The following KCNH2 variants were observed in gnomAD, a reference collection of about 807,000 sequenced individuals.
KCNH2 encodes voltage-gated inwardly rectifying potassium channel KCNH2.
Under a neutral mutation model 95.9 loss-of-function variants are expected in KCNH2, and 35 were observed. The observed-to-expected ratio is 0.37, with a 90% CI of 0.28 to 0.48. The LOEUF is 0.48. Ranked by LOEUF, KCNH2 falls within the 20% of genes least tolerant of loss-of-function variation. The pLI, the probability that KCNH2 is intolerant of heterozygous loss-of-function variation, is 0.99. For missense variants in KCNH2, 1,274 were observed against 1,702.9 expected, an observed-to-expected ratio of 0.75 and a Z score of 4.43; for synonymous variants, 786 against 754.7, an observed-to-expected ratio of 1.04 and a Z score of -0.68.
chr7:150,947,642 A>G lies in KCNH2; in HGVS notation c.2929T>C (p.Cys977Arg). 1 of 1,612,216 alleles carries G rather than the reference A, an allele frequency of 6.2e-7. No homozygotes were observed. Among genetic ancestry groups the G allele is most frequent in the Non-Finnish European group, 8.5e-7 (1 of 1,179,346 alleles). ...TTGCAAGTGTCGCTGCTCTTCTCGC[A>G]GTCCTCCATCAGGGGCTCCCCACCC... ...PPGGEPLMED[C>R]EKSSDTCNPL... Residue 977 changes from cysteine (C) to arginine (R), a missense_variant, in exon 12 of 15, where the codon TGC becomes CGC. Cys to Arg is a radical substitution (Grantham distance 180). Transcript: ENST00000262186.
In KCNH2 at chr7:150,947,793, C is replaced by T. The variant is rs898987242; in HGVS notation, c.2778G>A (p.Pro926=). The T allele has an allele frequency of 2.2e-5, 33 of 1,532,608 alleles. No homozygotes were observed. Among genetic ancestry groups the T allele is most frequent in the South Asian group, 4.8e-5 (4 of 83,528 alleles). The allele number at this position is 1,532,608 out of a possible 1,614,324, so 94.9% of individuals were successfully genotyped here. A position where few individuals can be genotyped will look rare whatever the true frequency, so the allele number is the denominator to read the frequency against. ...GPSSRGRPGG[P]WGESPSSGPS... ...GGCCACTGGACGGGCTCTCCCCCCA[C>T]GGCCCCCCCGGCCGGCCCCGGCTAC... The change falls in exon 12 of 15, where the codon CCG becomes CCA. Residue 926 remains proline, a synonymous_variant. Coordinates refer to ENST00000262186, the MANE Select transcript of KCNH2 (RefSeq NM_000238.4).
intron 2 of KCNH2, among the ~76,000 whole-genome samples, chr7:150,960,199 C>T (rs866141476): frequency 6.6e-6 from 1 of 152,162 alleles, no homozygotes; most frequent in Non-Finnish European, 1.5e-5. Context: ...TGCTTAATCA[C>T]TTATGCTTTT....
Position 150,974,800 on chromosome 7 carries a change from C to G in KCNH2, c.218G>C (p.Arg73Pro). 1 of 1,604,644 alleles carries G rather than the reference C, an allele frequency of 6.2e-7. No homozygotes were observed. The highest frequency in any genetic ancestry group is 8.5e-7 in the Non-Finnish European group (1 of 1,175,880). Residue 73 changes from arginine (R) to proline (P), a missense_variant, in exon 2 of 15, where the codon CGC becomes CCC. By Grantham distance (103) the Arg-to-Pro change is moderately radical. Around this residue, in one of 7 missense-constraint regions of KCNH2, gnomAD observed 85 missense variants for 174.7 expected, o/e 0.49. Transcript: ENST00000262186. Reference protein sequence around the residue: ...PCTCDFLHGPRTQRRAAAQIA... With the variant: ...PCTCDFLHGPPTQRRAAAQIA... The stretch of plus-strand genomic sequence containing the variant: ...CTGCGCGGCAGCGCGGCGCTGCGTG[C>G]GCGGCCCGTGCAGGAAGTCGCAGGT...
intron 5 of KCNH2, chr7:150,955,347 C>T: frequency 6.6e-7 from 1 of 1,523,156 alleles, no homozygotes; most frequent in Non-Finnish European, 8.9e-7. Context: ...AGCCACCTGC[C>T]TCAGTGTGCC....
chr7:150,975,193 G>A (rs1397456568), intron 1 of KCNH2, among the ~76,000 whole-genome samples: 3 of 151,912 alleles, frequency 2.0e-5, no homozygotes, highest in Admixed American at 2.0e-4. Flanking sequence ...GCTTCCCCCG[G>A]GCAGGCCGCC....
Position 150,977,933 on chromosome 7 carries a change from C to G in KCNH2, c.-20G>C. The G allele has an allele frequency of 1.3e-6, 2 of 1,573,670 alleles. No individual in the cohort carries two copies. The highest frequency in any genetic ancestry group is 1.7e-6 in the Non-Finnish European group (2 of 1,161,346). On this transcript the variant is annotated 5_prime_UTR_variant, in exon 1 of 15. Transcript: ENST00000262186. The stretch of plus-strand genomic sequence containing the variant: ...CGGCATCCTGAGCCCATGGGCGGGC[C>G]GGGCGGGCCCCCACCCACCCCGGCC...
At chr7:150,950,682 C>A (rs1461275600) in intron 8 of KCNH2, among the ~76,000 whole-genome samples, 2 of 152,226 alleles carry the variant, frequency 1.3e-5, no homozygotes, top group African/African-American at 2.4e-5. Flanking sequence ...CCTGGGCTGT[C>A]ACAAGGATTT....
In KCNH2 at chr7:150,962,835, A is replaced by G. The variant is rs887518949; in HGVS notation, c.308-3099T>C. ...TGGAAGGAAGGAAAGTAGGGGCCCCAGATAGGCCTGGGCTCTCAGAGGCAC... is the reference window on the plus strand; with the variant it reads ...TGGAAGGAAGGAAAGTAGGGGCCCCGGATAGGCCTGGGCTCTCAGAGGCAC... On this transcript the variant is annotated intron_variant, in intron 2 of 14. Coordinates refer to ENST00000262186, the MANE Select transcript of KCNH2 (RefSeq NM_000238.4). The surrounding 1 kb of genome is among the most constrained non-coding windows in gnomAD (Gnocchi z 5.7). 6.6e-6 allele frequency among the ~76,000 whole-genome samples: 1 copy of G among 152,164 alleles called. No individual in the cohort carries two copies. Among genetic ancestry groups the G allele is most frequent in the Non-Finnish European group, 1.5e-5 (1 of 68,016 alleles).
chr7:150,958,407 C>T lies in KCNH2; in HGVS notation c.568G>A (p.Ala190Thr), dbSNP rs150817714. The T allele has an allele frequency of 1.3e-4, 187 of 1,428,080 alleles. No homozygotes were observed. The African/African-American group carries it at 2.5e-3, about 19-fold the overall frequency. 88.5% of individuals were successfully genotyped at this position (1,428,080 alleles called of 1,614,324 possible). The part of the protein sequence containing the change: ...VRSGGAGGAG[A>T]PGAVVVDVDL... ...ACGTCCACCACCACGGCCCCCGGGG[C>T]GCCCGCGCCGCCCGCGCCGCCCGAC... The change falls in exon 4 of 15, where the codon GCC becomes ACC. Residue 190 changes from alanine to threonine, a missense_variant. Ala to Thr is a moderately conservative substitution (Grantham distance 58). Transcript: ENST00000262186.
chr7:150,962,980 G>A lies in KCNH2; in HGVS notation c.308-3244C>T, dbSNP rs1801607998. Among the ~76,000 whole-genome samples, 1 of 152,310 alleles carries A rather than the reference G, an allele frequency of 6.6e-6. No individual in the cohort carries two copies. The highest frequency in any genetic ancestry group is 2.1e-4 in the South Asian group (1 of 4,824). On this transcript the variant is annotated intron_variant, in intron 2 of 14. Coordinates refer to ENST00000262186, the MANE Select transcript of KCNH2 (RefSeq NM_000238.4). This position sits in a 1 kb window ranked among gnomAD's most constrained non-coding sequence, Gnocchi z 5.7. ...ATCCCACCACTGGCTGGGTTATGGG[G>A]GGATGGGAGTCCCTTCACTTGCCCC...
At position 150,948,498 on chromosome 7, in the gene KCNH2, C is replaced by T; in HGVS notation, c.2638G>A (p.Gly880Ser). ...TTGCGCTTGCGTTGCCGACTGAAGC[C>T]ACCCTCTAACTCCGTACTGCCGGGG... ...GSPGSTELEG[G>S]FSRQRKRKLS... Residue 880 changes from glycine (G) to serine (S), a missense_variant, in exon 11 of 15, where the codon GGC becomes AGC. Physicochemically the swap from Gly to Ser is moderately conservative, Grantham distance 56. Coordinates refer to ENST00000262186, the MANE Select transcript of KCNH2 (RefSeq NM_000238.4). 6.2e-7 allele frequency: 1 copy of T among 1,613,596 alleles called. No homozygotes were observed. Among genetic ancestry groups the T allele is most frequent in the Non-Finnish European group, 8.5e-7 (1 of 1,180,008 alleles).
chr7:150,956,124 A>G (rs1296805137), intron 5 of KCNH2, among the ~76,000 whole-genome samples: 2 of 152,138 alleles, frequency 1.3e-5, no homozygotes, highest in African/African-American at 4.8e-5. Flanking sequence ...CGACACATAC[A>G]GGCGCACATG....
chr7:150,959,183 T>C (rs555104746), intron 3 of KCNH2, among the ~76,000 whole-genome samples: 143 of 152,244 alleles, frequency 9.4e-4, no homozygotes, highest in Non-Finnish European at 1.8e-3. Context: ...GCTGAGTCCA[T>C]AGGACACAGC....
Position 150,947,044 on chromosome 7 carries a change from G to A in KCNH2, c.3163C>T (p.Arg1055Trp), listed in dbSNP as rs541259035. ...LQRQLNRLET[R>W]LSADMATVLQ... ...ACAGTGGCCATGTCTGCACTCAGCCGGGTCTCCAGCCTGGGGCAGGAAGTG... is the reference window on the plus strand; with the variant it reads ...ACAGTGGCCATGTCTGCACTCAGCCAGGTCTCCAGCCTGGGGCAGGAAGTG... The change falls in exon 14 of 15, where the codon CGG (arginine) becomes TGG (tryptophan). Residue 1055 changes from arginine (R) to tryptophan (W), a missense_variant. By Grantham distance (101) the Arg-to-Trp change is moderately radical (BLOSUM62 -3). Around this residue, in one of 7 missense-constraint regions of KCNH2, gnomAD observed 457 missense variants for 416.1 expected, o/e 1.10. Transcript: ENST00000262186. The A allele has an allele frequency of 1.6e-5, 25 of 1,600,770 alleles. No individual in the cohort carries two copies. The highest frequency in any genetic ancestry group is 8.0e-5 in the African/African-American group (6 of 74,616).
intron 2 of KCNH2, among the ~76,000 whole-genome samples, chr7:150,960,439 G>A (rs775239902): frequency 2.0e-5 from 3 of 152,102 alleles, no homozygotes; most frequent in South Asian, 2.1e-4. Context: ...AATGCCTGGC[G>A]TATGCCGCAC....
intron 2 of KCNH2, among the ~76,000 whole-genome samples, chr7:150,971,562 G>A (rs1563186259): frequency 2.0e-5 from 3 of 152,228 alleles, no homozygotes; most frequent in East Asian, 3.9e-4. Context: ...GCCAGACAGA[G>A]CCTTCCAGAT....
rs998053404 is a variant in KCNH2, at chr7:150,945,790, C to T, written c.3331-276G>A. ...AGCTGGGAGCAGGGAAAACCCTAGG[C>T]CCCTGTCTCTTCCCGAGGGAATGTG... On this transcript the variant is annotated intron_variant, in intron 14 of 14. Transcript: ENST00000262186. This position sits in a 1 kb window ranked among gnomAD's most constrained non-coding sequence, Gnocchi z 5.6. Among the ~76,000 whole-genome samples, 16 of 152,306 alleles carry T rather than the reference C, an allele frequency of 1.1e-4. No homozygotes were observed. Among genetic ancestry groups the T allele is most frequent in the African/African-American group, 3.6e-4 (15 of 41,552 alleles).
At chr7:150,947,143 G>A in intron 13 of KCNH2, 89 bp from the exon 14 acceptor site, 2 of 491,500 alleles carry the variant, frequency 4.1e-6, no homozygotes, top group Admixed American at 2.9e-5. Context: ...GGAGGGGGGA[G>A]GGGCAGCCTG....
Position 150,950,964 on chromosome 7 carries a change from A to C in KCNH2, c.2102T>G (p.Phe701Cys). 1 of 1,614,176 alleles carries C rather than the reference A, an allele frequency of 6.2e-7. No individual in the cohort carries two copies. The highest frequency in any genetic ancestry group is 8.5e-7 in the Non-Finnish European group (1 of 1,180,028). The change falls in exon 8 of 15, where the codon TTC becomes TGC. Residue 701 changes from phenylalanine to cysteine, a missense_variant. Around this residue, in one of 7 missense-constraint regions of KCNH2, gnomAD observed 159 missense variants for 282.5 expected, o/e 0.56. Coordinates refer to ENST00000262186, the MANE Select transcript of KCNH2 (RefSeq NM_000238.4). ...NPLRQRLEEY[F>C]QHAWSYTNGI... Reference sequence around the variant, plus strand: ...GTTGGTGTAGGACCAGGCGTGCTGGAAGTACTCCTCGAGGCGCTGGCGCAG... The same window carrying C: ...GTTGGTGTAGGACCAGGCGTGCTGGCAGTACTCCTCGAGGCGCTGGCGCAG...
Sources: gnomAD v4.1 joint callset for allele counts (sites outside exome capture counted in the v4.1 genomes callset) on GRCh38, gnomAD v4.1.1 for gene constraint, gnomAD v4.1.1 regional missense constraint, Gnocchi (gnomAD v3.1) non-coding constraint, MANE v1.5 for transcripts, NCBI Gene and HGNC (gene_info 2026-07-23, HGNC 2026-07-21) for gene names.